NBPF4: variants seen among roughly 807,000 people sequenced by gnomAD.
NBPF4 encodes NBPF family member NBPF4.
A neutral mutation model predicts 21.1 loss-of-function variants in NBPF4; 11 were observed. That is an observed-to-expected ratio of 0.52 (90% CI 0.33 to 0.86). The LOEUF is 0.86. Among genes scored for constraint, NBPF4 ranks in the 40% least tolerant of loss-of-function variants. The pLI is 0.03. For missense variants in NBPF4, 88 were observed against 265.3 expected, an observed-to-expected ratio of 0.33 and a Z score of 4.64; for synonymous variants, 47 against 106.4, an observed-to-expected ratio of 0.44 and a Z score of 3.43.
chr1:108,244,959 T>G (rs189510233), upstream of NBPF4, among the ~76,000 whole-genome samples: 22 of 82,730 alleles, frequency 2.7e-4, no homozygotes, highest in African/African-American at 8.8e-4. Context: ...CACACACATA[T>G]AGAGTTGCTC....
At chr1:108,254,065 A>C in the NBPF4 span, among the ~76,000 whole-genome samples, 1 of 85,638 alleles carries the variant, frequency 1.2e-5, no homozygotes, top group African/African-American at 4.7e-5. Flanking sequence ...ATTTGGTTTG[A>C]TGTGGTCCTT....
At chr1:108,268,245 T>C in the NBPF4 span, among the ~76,000 whole-genome samples, 1 of 142,252 alleles carries the variant, frequency 7.0e-6, no homozygotes, top group Non-Finnish European at 1.5e-5. Flanking sequence ...TATGGCAAAA[T>C]GTTAAATTTT....
the NBPF4 span, among the ~76,000 whole-genome samples, chr1:108,260,015 CTG>C: frequency 1.6e-5 from 2 of 127,572 alleles, no homozygotes; most frequent in Admixed American, 1.6e-4. Flanking sequence ...AGTAAACAGT[CTG>C]TGAAAGAATG....
chr1:108,256,233 ACTCTT>A, the NBPF4 span, among the ~76,000 whole-genome samples: 655 of 148,842 alleles, frequency 4.4e-3, 22 homozygotes, highest in African/African-American at 0.015. Flanking sequence ...TATTTATTTG[ACTCTT>A]CTCTTTTTTT....
intron 14 of NBPF4, among the ~76,000 whole-genome samples, chr1:108,224,907 A>T (rs947512873): frequency 4.0e-5 from 6 of 150,200 alleles, no homozygotes; most frequent in African/African-American, 1.5e-4. Context: ...TTGTTATTGT[A>T]TGCTCTTCAG....
rs542676123 is a variant in NBPF4, at chr1:108,241,710, C to T, written c.278+364G>A. Among the ~76,000 whole-genome samples, 57 of 97,440 alleles carry T rather than the reference C, an allele frequency of 5.8e-4. 1 individual carries two copies. Among genetic ancestry groups the T allele is most frequent in the African/African-American group, 1.6e-3 (51 of 31,500 alleles). The allele number at this position is 97,440 out of a possible 152,430, so 63.9% of individuals were successfully genotyped here. On this transcript the variant is annotated intron_variant, in intron 3 of 14. Transcript: ENST00000415641. ...GGCAATATTGATTGAACAAATGAAA[C>T]GCCACAGTCAGTCAAGAGGTGATTC...
At position 108,229,113 on chromosome 1, in the gene NBPF4, G is replaced by A; in HGVS notation, c.1467C>T (p.Asp489=). Residue 489 remains aspartate, a synonymous_variant, in exon 13 of 15, where the codon GAC becomes GAT. Transcript: ENST00000415641. ...AACPQGTWSG[D]LSHHQSEVQV... is the part of the protein sequence containing the mutation. ...GCACCTCTGACTGGTGGTGGCTCAA[G>A]TCTCCACTCCAAGTCCCTTGGGGAC... is the stretch of plus-strand genomic sequence containing the variant. 1 of 1,551,078 alleles carries A rather than the reference G, an allele frequency of 6.4e-7. No homozygotes were observed. The highest frequency in any genetic ancestry group is 8.7e-7 in the Non-Finnish European group (1 of 1,146,524).
At chr1:108,264,941 A>G in the NBPF4 span, among the ~76,000 whole-genome samples, 4 of 130,324 alleles carry the variant, frequency 3.1e-5, no homozygotes, top group Admixed American at 8.9e-5. Context: ...AAAAAGCTAG[A>G]AAGATCTCAA....
intron 12 of NBPF4, 59 bp from the exon 13 acceptor site, chr1:108,229,215 C>T (rs1649584772): frequency 7.6e-7 from 1 of 1,321,502 alleles, no homozygotes; most frequent in Non-Finnish European, 1.1e-6. Context: ...TTAAGTCATC[C>T]CAGAACACCC....
the NBPF4 span, among the ~76,000 whole-genome samples, chr1:108,268,648 A>G: frequency 6.6e-6 from 1 of 150,648 alleles, no homozygotes; most frequent in Non-Finnish European, 1.5e-5. Context: ...ATTTAGCTAC[A>G]TCAACTTTGG....
chr1:108,244,901 GAT>G (rs1173565670), upstream of NBPF4, among the ~76,000 whole-genome samples: 708 of 12,420 alleles, frequency 0.057, 29 homozygotes, highest in East Asian at 0.096. Context: ...TATTGTTGGA[GAT>G]ATATATATAT....
Position 108,223,712 on chromosome 1 carries a change from G to T in NBPF4, c.1910C>A (p.Ala637Glu). The T allele has an allele frequency of 6.4e-7, 1 of 1,564,728 alleles. No individual in the cohort carries two copies. Among genetic ancestry groups the T allele is most frequent in the Non-Finnish European group, 8.7e-7 (1 of 1,154,334 alleles). ...GCTTTTTGTGACATTCTTTCATCCT[G>T]CCATCCTTTGCGTCCTTCCAGCAGT... The part of the protein sequence containing the change: ...PNTAGRTQRM[A>E]G The change falls in exon 15 of 15, where the codon GCA (alanine) becomes GAA (glutamate). Residue 637 changes from alanine to glutamate, a missense_variant. Transcript: ENST00000415641.
At position 108,222,497 on chromosome 1, in the gene NBPF4, T is replaced by A. The variant is rs182323754; in HGVS notation, c.*1208A>T. Among the ~76,000 whole-genome samples the A allele has an allele frequency of 6.6e-5, 10 of 152,322 alleles. No individual in the cohort carries two copies. The East Asian group carries it at 1.9e-3, about 29-fold the overall frequency. ...AAGAAATGTTTTAATTAAACAGATT[T>A]AAAATTTAAAATTTTAACTGATGGA... On this transcript the variant is annotated 3_prime_UTR_variant, in exon 15 of 15. Coordinates refer to ENST00000415641, the MANE Select transcript of NBPF4 (RefSeq NM_001143989.3).
chr1:108,241,333 T>A (rs1441023542), intron 3 of NBPF4, among the ~76,000 whole-genome samples, 169 bp from the exon 4 acceptor site: 1 of 130,054 alleles, frequency 7.7e-6, no homozygotes, highest in Non-Finnish European at 1.6e-5. Flanking sequence ...TATATATATA[T>A]ATATATACAC....
upstream of NBPF4, among the ~76,000 whole-genome samples, chr1:108,247,991 T>TA: frequency 6.6e-6 from 1 of 151,830 alleles, no homozygotes; most frequent in African/African-American, 2.4e-5. Flanking sequence ...TTTTTTTTTT[T>TA]AATTTTTTGT....
At chr1:108,258,409 C>T in the NBPF4 span, among the ~76,000 whole-genome samples, 1 of 138,862 alleles carries the variant, frequency 7.2e-6, no homozygotes, top group Non-Finnish European at 1.6e-5. Flanking sequence ...AGTGGTATTG[C>T]TTTTTACATT....
At chr1:108,246,182 TG>T (rs1359549999), upstream of NBPF4, among the ~76,000 whole-genome samples, 1 of 119,064 alleles carries the variant, frequency 8.4e-6, no homozygotes, top group African/African-American at 3.2e-5. Context: ...AGGTGGAGGA[TG>T]GTGTGGGCTG....
the NBPF4 span, among the ~76,000 whole-genome samples, chr1:108,260,050 T>C: frequency 1.7e-5 from 2 of 115,500 alleles, no homozygotes; most frequent in Non-Finnish European, 3.5e-5. Context: ...AGAATAAGTA[T>C]GTAGTGCCCA....
rs1026132624 is a variant in NBPF4, at chr1:108,229,017, C to G, written c.1563G>C (p.Gly521=). The G allele has an allele frequency of 6.5e-7, 1 of 1,548,126 alleles. No individual in the cohort carries two copies. Among genetic ancestry groups the G allele is most frequent in the African/African-American group, 1.4e-5 (1 of 72,822 alleles). ...GGGCCAAGCCGTTCCCACAGTGGAA[C>G]CCTTGATCCAGCTGTAGTCGCAGAC... The part of the protein sequence containing the change: ...PSCLRLQLDQ[G]FHCGNGLAQR... The change falls in exon 13 of 15, where the codon GGG becomes GGC. Residue 521 remains glycine, a synonymous_variant. Transcript: ENST00000415641.
Sources: gnomAD v4.1 joint callset for allele counts (sites outside exome capture counted in the v4.1 genomes callset) on GRCh38, gnomAD v4.1.1 for gene constraint, MANE v1.5 for transcripts, NCBI Gene and HGNC (gene_info 2026-07-23, HGNC 2026-07-21) for gene names.